Variants in HDAC9 observed in about 807,000 individuals in gnomAD.
HDAC9 encodes the protein MEF-2 interacting transcription repressor (MITR) protein.
Under a neutral mutation model 139.4 loss-of-function variants are expected in HDAC9, and 41 were observed. The ratio of observed to expected loss-of-function variants is 0.29; its 90% CI spans 0.23 to 0.38. The LOEUF (loss-of-function observed/expected upper bound fraction) is 0.38. Among genes scored for constraint, HDAC9 ranks in the 10% least tolerant of loss-of-function variants. The pLI is 1.00. For missense variants in HDAC9, 1,147 were observed against 1,297.0 expected (o/e 0.88, Z 1.78); for synonymous variants, 517 against 476.2 (o/e 1.09, Z -1.12).
At chr7:18,475,424 G>T (rs142091234) in intron 1 of HDAC9, among the ~76,000 whole-genome samples, 2 of 152,036 alleles carry the variant, frequency 1.3e-5, no homozygotes, top group African/African-American at 4.8e-5. Context: ...AATATTTTTG[G>T]TTACCATTTC....
At position 18,918,359 on chromosome 7, in the gene HDAC9, A is replaced by T. The variant is rs1444143727; in HGVS notation, c.2804-17450A>T. On this transcript the variant is annotated intron_variant, in intron 22 of 25. Transcript: ENST00000686413. ...GGGGGGGATGGAGGGGAAAGGGGGA[A>T]ATCCAAGAATGTGATGGCACTAGGC... Among the ~76,000 whole-genome samples the T allele has an allele frequency of 2.0e-5, 3 of 151,950 alleles. No individual in the cohort carries two copies. The East Asian group carries it at 5.8e-4, about 30-fold the overall frequency.
At chr7:18,360,061 A>G (rs563214688) in intron 1 of HDAC9, among the ~76,000 whole-genome samples, 1 of 152,232 alleles carries the variant, frequency 6.6e-6, no homozygotes, top group East Asian at 1.9e-4. Context: ...TCTCCTCTCT[A>G]AACCCCTCAC....
chr7:18,423,285 A>T (rs1375222971), intron 1 of HDAC9, among the ~76,000 whole-genome samples: 1 of 152,186 alleles, frequency 6.6e-6, no homozygotes, highest in Non-Finnish European at 1.5e-5. Flanking sequence ...TTCTTTTGTA[A>T]CCATAGATAT....
At chr7:18,987,760 A>C (rs1785489566) in intron 25 of HDAC9, among the ~76,000 whole-genome samples, 1 of 152,122 alleles carries the variant, frequency 6.6e-6, no homozygotes, top group African/African-American at 2.4e-5. Context: ...TTATTGGTCT[A>C]TTCAGAGATT....
In HDAC9 at chr7:18,570,609, A is replaced by G. The variant is rs572000811; in HGVS notation, c.23-14672A>G. On this transcript the variant is annotated intron_variant, in intron 2 of 25. Coordinates refer to ENST00000686413, the MANE Select transcript of HDAC9 (RefSeq NM_178425.4). ...TTGAGATCATGGACTCTGGAGCTGG[A>G]CGGTGTGTGTTCTAATTCCTGTTGT... is the stretch of plus-strand genomic sequence containing the variant. Among the ~76,000 whole-genome samples, 6 of 152,298 alleles carry G rather than the reference A, an allele frequency of 3.9e-5. 1 individual carries two copies. In the South Asian group the frequency reaches 1.2e-3, roughly 32 times the overall value.
intron 2 of HDAC9, among the ~76,000 whole-genome samples, chr7:18,524,184 C>A (rs936858612): frequency 2.0e-5 from 3 of 152,086 alleles, no homozygotes; most frequent in African/African-American, 4.8e-5. Context: ...CATCTATTTA[C>A]CTGTGTAGTG....
chr7:18,691,558 G>C (rs1370432012), intron 12 of HDAC9, among the ~76,000 whole-genome samples: 4 of 152,002 alleles, frequency 2.6e-5, no homozygotes, highest in African/African-American at 9.7e-5. Flanking sequence ...TGTAGGTAAA[G>C]GGGAAGAAAA....
rs570074910 is a variant in HDAC9, at chr7:18,433,478, C to A, written c.-41-62784C>A. Among the ~76,000 whole-genome samples the A allele has an allele frequency of 9.2e-5, 14 of 152,222 alleles. No homozygotes were observed. In the South Asian group the frequency reaches 1.9e-3, roughly 20 times the overall value. On this transcript the variant is annotated intron_variant, in intron 1 of 3. Transcript: ENST00000413509. ...ATCTCTGTTTGTAGACAATATGATT[C>A]TATAGTCTCTGCCCAAAAGCTATAG...
intron 12 of HDAC9, among the ~76,000 whole-genome samples, chr7:18,726,823 C>G (rs796134363): frequency 9.2e-5 from 14 of 151,938 alleles, no homozygotes; most frequent in African/African-American, 3.4e-4. Context: ...AATAAGCTGC[C>G]TATCTGTGTT....
intron 1 of HDAC9, among the ~76,000 whole-genome samples, chr7:18,489,061 A>T (rs2128133373): frequency 6.6e-6 from 1 of 152,170 alleles, no homozygotes; most frequent in South Asian, 2.1e-4. Context: ...TTAGAGGTTG[A>T]ATAGTATGTT....
chr7:18,476,038 A>G (rs1795087649), intron 1 of HDAC9, among the ~76,000 whole-genome samples: 1 of 152,174 alleles, frequency 6.6e-6, no homozygotes, highest in Non-Finnish European at 1.5e-5. Context: ...CTCTTATTGC[A>G]TGTTTGGTCT....
chr7:18,667,607 G>C (rs1795186100), intron 12 of HDAC9: 1 of 985,236 alleles, frequency 1.0e-6, no homozygotes, highest in African/African-American at 1.7e-5. Context: ...GGTTCCTGCT[G>C]TTCTCCTACA....
rs144878024 is a variant in HDAC9, at chr7:18,364,038, T to C, written c.-42+73523T>C. ...CATTCACTCTTTTACAATGTCTATC[T>C]ATAAAATTTCCCACAATAGTTCATA... On this transcript the variant is annotated intron_variant, in intron 1 of 3. Transcript: ENST00000413509. Among the ~76,000 whole-genome samples, 861 of 152,298 alleles carry C rather than the reference T, an allele frequency of 5.7e-3. 9 individuals are homozygous for C. The highest frequency in any genetic ancestry group is 0.019 in the African/African-American group (809 of 41,560).
chr7:18,931,644 A>T (rs1804752606), intron 22 of HDAC9, among the ~76,000 whole-genome samples: 2 of 152,154 alleles, frequency 1.3e-5, no homozygotes, highest in Non-Finnish European at 2.9e-5. Flanking sequence ...CAAGTGGATT[A>T]TTTTAATGCA....
chr7:18,385,374 A>T (rs995692548), intron 1 of HDAC9, among the ~76,000 whole-genome samples: 3 of 152,162 alleles, frequency 2.0e-5, no homozygotes, highest in Non-Finnish European at 4.4e-5. Flanking sequence ...TAACACCATA[A>T]GAAATGAATA....
intron 8 of HDAC9, among the ~76,000 whole-genome samples, chr7:18,644,421 A>G (rs1166266897): frequency 6.6e-6 from 1 of 152,124 alleles, no homozygotes; most frequent in Non-Finnish European, 1.5e-5. Flanking sequence ...CATATTTTGT[A>G]TAGCCAGAAT....
At chr7:18,909,813 A>G (rs1406606282) in intron 22 of HDAC9, among the ~76,000 whole-genome samples, 1 of 151,808 alleles carries the variant, frequency 6.6e-6, no homozygotes, top group East Asian at 1.9e-4. Flanking sequence ...CCACTGATCT[A>G]TGTGTCTGTT....
intron 12 of HDAC9, chr7:18,667,731 T>A (rs1795216573): frequency 1.0e-6 from 1 of 983,584 alleles, no homozygotes; most frequent in Admixed American, 6.2e-5. Flanking sequence ...CTTTACTCTT[T>A]CTGTTTTTAA....
At chr7:18,330,638 C>T (rs1465169512) in intron 1 of HDAC9, among the ~76,000 whole-genome samples, 1 of 151,370 alleles carries the variant, frequency 6.6e-6, no homozygotes, top group Non-Finnish European at 1.5e-5. Context: ...CCTCTACTCC[C>T]TCCCTGTTTT....
Sources: gnomAD v4.1 joint callset for allele counts (sites outside exome capture counted in the v4.1 genomes callset) on GRCh38, gnomAD v4.1.1 for gene constraint, MANE v1.5 for transcripts, NCBI Gene and HGNC (gene_info 2026-07-23, HGNC 2026-07-21) for gene names.